LRRC4C: variants seen among roughly 807,000 people sequenced by gnomAD.
LRRC4C encodes the protein leucine-rich repeat-containing protein 4C.
Under a neutral mutation model 33.6 loss-of-function variants are expected in LRRC4C, and 5 were observed. The observed-to-expected ratio is 0.15, with a 90% CI of 0.08 to 0.31. LRRC4C has a LOEUF of 0.31. Among genes scored for constraint, LRRC4C ranks in the 10% least tolerant of loss-of-function variants. The pLI is 1.00. For synonymous variants in LRRC4C, 329 were observed against 302.0 expected (o/e 1.09, Z -0.93); for missense variants, 560 against 796.7 (o/e 0.70, Z 3.58).
At chr11:40,169,994 G>T (rs1160395801) in intron 5 of LRRC4C, among the ~76,000 whole-genome samples, 1 of 152,136 alleles carries the variant, frequency 6.6e-6, no homozygotes, top group African/African-American at 2.4e-5. Flanking sequence ...TTTGAGTAAA[G>T]GGAACAATGG....
intron 6 of LRRC4C, among the ~76,000 whole-genome samples, chr11:40,139,136 C>G (rs1252680606): frequency 2.0e-5 from 3 of 152,072 alleles, no homozygotes; most frequent in African/African-American, 7.2e-5. Context: ...GCGGCGAGAA[C>G]TGAGGGGAAA....
chr11:40,507,953 G>A (rs1955120122), intron 3 of LRRC4C, among the ~76,000 whole-genome samples: 1 of 152,030 alleles, frequency 6.6e-6, no homozygotes, highest in East Asian at 1.9e-4. Flanking sequence ...TGGCCAGGCT[G>A]ATTTCAAACA....
intron 4 of LRRC4C, among the ~76,000 whole-genome samples, chr11:40,307,605 A>G (rs140226459): frequency 1.7e-4 from 26 of 152,342 alleles, no homozygotes; most frequent in African/African-American, 5.8e-4. Context: ...AGTTATGTAT[A>G]TAATTGTATC....
chr11:41,048,769 A>C lies in LRRC4C; in HGVS notation c.-495-115046T>G, dbSNP rs1429329747. Among the ~76,000 whole-genome samples, 7 of 152,328 alleles carry C rather than the reference A, an allele frequency of 4.6e-5. 1 individual carries two copies. The highest frequency in any genetic ancestry group is 1.0e-4 in the Non-Finnish European group (7 of 68,038). On this transcript the variant is annotated intron_variant, in intron 1 of 6. Coordinates refer to ENST00000528697, the MANE Select transcript of LRRC4C (RefSeq NM_001258419.2). ...TTTATTCCTTCATTCTCCATATATT[A>C]GTCTGGTTCCTTCTATGTGTTGGAC...
chr11:41,174,734 CAT>C (rs562675219), intron 1 of LRRC4C, among the ~76,000 whole-genome samples: 131 of 152,162 alleles, frequency 8.6e-4, no homozygotes, highest in Non-Finnish European at 1.6e-3. Context: ...TAATATTTCA[CAT>C]GTTTATACCT....
At chr11:40,371,071 T>G (rs936788930) in intron 3 of LRRC4C, among the ~76,000 whole-genome samples, 2 of 152,200 alleles carry the variant, frequency 1.3e-5, no homozygotes, top group African/African-American at 4.8e-5. Flanking sequence ...TAAGAAGTGC[T>G]GCTTGCTAGA....
chr11:40,452,686 T>C (rs1337957313), intron 3 of LRRC4C, among the ~76,000 whole-genome samples: 2 of 152,214 alleles, frequency 1.3e-5, no homozygotes, highest in African/African-American at 2.4e-5. Context: ...ACTGGGTATA[T>C]ACCCAAAGGG....
intron 1 of LRRC4C, among the ~76,000 whole-genome samples, chr11:41,083,393 G>C (rs983707452): frequency 2.6e-5 from 4 of 152,096 alleles, no homozygotes; most frequent in African/African-American, 9.7e-5. Flanking sequence ...TAAGGTAGCA[G>C]ATAAAATGTG....
chr11:40,305,751 G>A (rs1444282950), intron 4 of LRRC4C, among the ~76,000 whole-genome samples: 2 of 152,168 alleles, frequency 1.3e-5, no homozygotes, highest in Non-Finnish European at 1.5e-5. Context: ...ACTTTGGTAA[G>A]TTATTTAACC....
At chr11:41,045,444 A>C (rs770175218) in intron 1 of LRRC4C, among the ~76,000 whole-genome samples, 3 of 152,150 alleles carry the variant, frequency 2.0e-5, no homozygotes, top group Non-Finnish European at 4.4e-5. Context: ...TTGCTACTAA[A>C]TGGATAGAGT....
chr11:40,322,504 C>G (rs918282914), intron 3 of LRRC4C, among the ~76,000 whole-genome samples: 1 of 152,158 alleles, frequency 6.6e-6, no homozygotes, highest in African/African-American at 2.4e-5. Context: ...CCTCACCCTC[C>G]CAAACTGCAA....
chr11:40,834,458 G>T (rs1952565599), intron 2 of LRRC4C, among the ~76,000 whole-genome samples: 1 of 145,386 alleles, frequency 6.9e-6, no homozygotes, highest in African/African-American at 2.6e-5. Flanking sequence ...ATGATAGAGT[G>T]AGATTCCATC....
chr11:40,863,599 G>A (rs1954208754), intron 2 of LRRC4C, among the ~76,000 whole-genome samples: 1 of 152,064 alleles, frequency 6.6e-6, no homozygotes, highest in Non-Finnish European at 1.5e-5. Flanking sequence ...CTTTCTCTAA[G>A]GCTGAAATCA....
intron 2 of LRRC4C, among the ~76,000 whole-genome samples, chr11:40,857,145 G>A (rs1436915416): frequency 2.0e-5 from 3 of 152,136 alleles, no homozygotes; most frequent in Non-Finnish European, 2.9e-5. Context: ...ACAATGCCTT[G>A]CAATGGAATA....
chr11:40,249,001 G>A (rs1337431909), intron 4 of LRRC4C, among the ~76,000 whole-genome samples: 1 of 152,036 alleles, frequency 6.6e-6, no homozygotes, highest in Non-Finnish European at 1.5e-5. Flanking sequence ...AGAGTATCAG[G>A]CCAGAGCTTG....
chr11:40,196,468 C>T (rs1303981462), intron 5 of LRRC4C, among the ~76,000 whole-genome samples: 1 of 152,202 alleles, frequency 6.6e-6, no homozygotes, highest in African/African-American at 2.4e-5. Context: ...CCCTTAAAGA[C>T]AGTCTCTTGT....
intron 1 of LRRC4C, among the ~76,000 whole-genome samples, chr11:41,140,727 A>G (rs184478632): frequency 2.0e-5 from 3 of 152,336 alleles, no homozygotes; most frequent in Admixed American, 2.0e-4. Flanking sequence ...AGATAGTTGC[A>G]TATCTCATGG....
chr11:40,143,679 T>C (rs1274580575), intron 5 of LRRC4C, among the ~76,000 whole-genome samples: 2 of 152,212 alleles, frequency 1.3e-5, no homozygotes, highest in African/African-American at 4.8e-5. Flanking sequence ...AGGTCTTCCC[T>C]GGTTATGTTG....
At chr11:40,825,554 CTTT>C in intron 2 of LRRC4C, among the ~76,000 whole-genome samples, 1 of 151,982 alleles carries the variant, frequency 6.6e-6, no homozygotes, top group Non-Finnish European at 1.5e-5. Context: ...GTAAAAGTCA[CTTT>C]AAATAATTAA....
Sources: allele counts gnomAD v4.1 joint callset (sites outside exome capture counted in the v4.1 genomes callset), GRCh38; gene constraint gnomAD v4.1.1; transcripts MANE v1.5; gene names NCBI Gene and HGNC (gene_info 2026-07-23, HGNC 2026-07-21).